The following CLDN10 variants were observed in gnomAD, a reference collection of about 807,000 sequenced individuals.
CLDN10 encodes claudin-10.
A neutral mutation model predicts 22.9 loss-of-function variants in CLDN10; 15 were observed. The observed-to-expected ratio is 0.65, with a 90% CI of 0.44 to 1.01. The LOEUF (loss-of-function observed/expected upper bound fraction) is 1.01, where lower values mean the gene tolerates loss of function less well. Among genes scored for constraint, CLDN10 ranks in the 50% least tolerant of loss-of-function variants. The probability of loss-of-function intolerance (pLI) is 0.00; values close to 1 mark genes in which losing one functional copy is unlikely to be tolerated. For synonymous variants in CLDN10, 114 were observed against 111.4 expected, an observed-to-expected ratio of 1.02 and a Z score of -0.15; for missense variants, 247 against 287.8, an observed-to-expected ratio of 0.86 and a Z score of 1.03.
chr13:95,570,422 A>G (rs1419252645), intron 3 of CLDN10, among the ~76,000 whole-genome samples: 2 of 152,180 alleles, frequency 1.3e-5, no homozygotes, highest in Non-Finnish European at 2.9e-5. Context: ...CTTTTACATT[A>G]CAGTTTACTT....
intron 1 of CLDN10, among the ~76,000 whole-genome samples, chr13:95,527,038 TG>T (rs2043289018): frequency 6.6e-6 from 1 of 152,184 alleles, no homozygotes; most frequent in Non-Finnish European, 1.5e-5. Context: ...GTATGAAATA[TG>T]AGTGTCAAAC....
intron 1 of CLDN10, among the ~76,000 whole-genome samples, chr13:95,438,023 TTGCTC>T (rs2042288500): frequency 6.6e-6 from 1 of 152,178 alleles, no homozygotes; most frequent in Admixed American, 6.5e-5. Context: ...ATTGTTATAG[TTGCTC>T]ATGGGATTAA....
intron 1 of CLDN10, among the ~76,000 whole-genome samples, chr13:95,525,690 C>T (rs897885209): frequency 4.6e-5 from 7 of 152,104 alleles, no homozygotes; most frequent in African/African-American, 1.7e-4. Context: ...CCAGGTTTTG[C>T]CATATTGGCC....
intron 1 of CLDN10, among the ~76,000 whole-genome samples, chr13:95,463,285 A>AATATATATATATATAT (rs200962205): frequency 2.5e-4 from 10 of 40,084 alleles, no homozygotes; most frequent in East Asian, 1.4e-3. Flanking sequence ...GCAAATGCTT[A>AATATATATATATATAT]ATATATATAT....
In CLDN10 at chr13:95,560,239, G is replaced by A. The variant is rs113721014; in HGVS notation, c.328G>A (p.Asp110Asn). 3.3e-5 allele frequency: 53 copies of A among 1,614,188 alleles called. No homozygotes were observed. The African/African-American group carries it at 3.9e-4, about 12-fold the overall frequency. The change falls in exon 2 of 5, where the codon GAT becomes AAT. Residue 110 changes from aspartate to asparagine, a missense_variant. Physicochemically the swap from Asp to Asn is conservative, Grantham distance 23. Coordinates refer to ENST00000299339, the MANE Select transcript of CLDN10 (RefSeq NM_006984.5). ...GAAGTGTACCAAAGTCGGAGGCTCC[G>A]ATAAAGCCAAAGCTAAAATTGCTTG... ...GMKCTKVGGS[D>N]KAKAKIACLA...
chr13:95,448,489 A>G (rs2042402404), intron 1 of CLDN10, among the ~76,000 whole-genome samples: 1 of 152,198 alleles, frequency 6.6e-6, no homozygotes, highest in African/African-American at 2.4e-5. Flanking sequence ...TCGGAGGGAA[A>G]GAAAGACTTA....
chr13:95,448,538 C>A (rs917177664), intron 1 of CLDN10, among the ~76,000 whole-genome samples: 1 of 152,064 alleles, frequency 6.6e-6, no homozygotes, highest in Admixed American at 6.5e-5. Context: ...AATGTGACCC[C>A]CCTGGACAGA....
intron 1 of CLDN10, among the ~76,000 whole-genome samples, chr13:95,457,264 TA>T (rs969708351): frequency 4.5e-4 from 69 of 151,830 alleles, no homozygotes; most frequent in African/African-American, 9.2e-4. Context: ...AATAAGTTAC[TA>T]AAAAAAAATT....
At chr13:95,499,951 A>G (rs2042967740) in intron 1 of CLDN10, among the ~76,000 whole-genome samples, 1 of 152,238 alleles carries the variant, frequency 6.6e-6, no homozygotes, top group Non-Finnish European at 1.5e-5. Context: ...AGAAAATTTC[A>G]TAATGTTTTA....
rs558861373 is a variant in CLDN10 at position 95,480,816 on chromosome 13, G to A, written c.214+46769G>A. ...TTCACATTCAAGAGTACCAATGAAG[G>A]CCCATAAGCTATGTTGAAATACTTA... On this transcript the variant is annotated intron_variant, in intron 1 of 4. Coordinates refer to the CLDN10 transcript ENST00000376873. Among the ~76,000 whole-genome samples, 7 of 152,248 alleles carry A rather than the reference G, an allele frequency of 4.6e-5. No individual in the cohort carries two copies. The South Asian group carries it at 1.2e-3, about 27-fold the overall frequency.
chr13:95,548,121 C>T (rs2043528967), upstream of CLDN10, among the ~76,000 whole-genome samples: 1 of 152,196 alleles, frequency 6.6e-6, no homozygotes, highest in South Asian at 2.1e-4. Flanking sequence ...TAACATACTG[C>T]CCCGACCTGG....
intron 1 of CLDN10, among the ~76,000 whole-genome samples, chr13:95,446,415 C>T (rs559523919): frequency 2.6e-5 from 4 of 152,294 alleles, no homozygotes; most frequent in Non-Finnish European, 4.4e-5. Context: ...ACTTGGAATA[C>T]GGCAATAAAA....
chr13:95,488,941 CT>C (rs1379957080), intron 1 of CLDN10, among the ~76,000 whole-genome samples: 1 of 120,348 alleles, frequency 8.3e-6, no homozygotes, highest in African/African-American at 3.0e-5. Flanking sequence ...CATAGTTCTA[CT>C]TTTTGTTCTT....
At chr13:95,570,505 T>C (rs2043840034) in intron 3 of CLDN10, among the ~76,000 whole-genome samples, 1 of 152,214 alleles carries the variant, frequency 6.6e-6, no homozygotes, top group African/African-American at 2.4e-5. Flanking sequence ...TGAATAATTT[T>C]CAAGAATTAG....
At chr13:95,477,161 G>A (rs998044238) in intron 1 of CLDN10, among the ~76,000 whole-genome samples, 1 of 152,210 alleles carries the variant, frequency 6.6e-6, no homozygotes, top group Non-Finnish European at 1.5e-5. Context: ...GGCACGCCAC[G>A]CCATGCAGGG....
intron 1 of CLDN10, among the ~76,000 whole-genome samples, chr13:95,473,037 G>A (rs112630073): frequency 6.6e-6 from 1 of 151,868 alleles, no homozygotes; most frequent in Admixed American, 6.6e-5. Context: ...CTACTCAACA[G>A]GCTGAGGTAG....
chr13:95,547,424 G>A lies in CLDN10; in HGVS notation c.215-12708G>A, dbSNP rs144582326. On this transcript the variant is annotated intron_variant, in intron 1 of 4. Transcript: ENST00000376873. ...TTCACTTACTGCTGTTAGCCTAACC[G>A]ATTAATACCATTTTTATGAAAAAAT... 3.9e-5 allele frequency among the ~76,000 whole-genome samples: 6 copies of A among 152,196 alleles called. No homozygotes were observed. The East Asian group carries it at 1.2e-3, about 29-fold the overall frequency.
rs529097484 is a variant in CLDN10 at position 95,577,575 on chromosome 13, T to C, written c.572+237T>C. Among the ~76,000 whole-genome samples, 5 of 152,342 alleles carry C rather than the reference T, an allele frequency of 3.3e-5. 1 individual carries two copies. The South Asian group carries it at 1.0e-3, about 32-fold the overall frequency. ...GGACATGTTCTTCACGTTGGCCTCA[T>C]CATAATTTTCCTCTAGGTAGGCAGG... On this transcript the variant is annotated intron_variant, in intron 4 of 4. Coordinates refer to ENST00000299339, the MANE Select transcript of CLDN10 (RefSeq NM_006984.5).
At chr13:95,558,861 G>A (rs1413559604) in intron 1 of CLDN10, among the ~76,000 whole-genome samples, 1 of 152,148 alleles carries the variant, frequency 6.6e-6, no homozygotes, top group Non-Finnish European at 1.5e-5. Flanking sequence ...GGAATTTGAG[G>A]CTGCAGTGAG....
Sources: allele counts gnomAD v4.1 joint callset (sites outside exome capture counted in the v4.1 genomes callset), GRCh38; gene constraint gnomAD v4.1.1; transcripts MANE v1.5; gene names NCBI Gene and HGNC (gene_info 2026-07-23, HGNC 2026-07-21).